The following SYPL2 variants were observed in gnomAD, a reference collection of about 807,000 sequenced individuals.
The protein encoded by SYPL2 is synaptophysin like 2.
Under a neutral mutation model 31.3 loss-of-function variants are expected in SYPL2, and 24 were observed. The observed-to-expected ratio is 0.77, with a 90% CI of 0.56 to 1.08. SYPL2 has a LOEUF of 1.08. Ranked by LOEUF, SYPL2 falls within the 50% of genes least tolerant of loss-of-function variation. The probability of loss-of-function intolerance (pLI) is 0.00; values close to 1 mark genes in which losing one functional copy is unlikely to be tolerated. For missense variants in SYPL2, 342 were observed against 360.1 expected, an observed-to-expected ratio of 0.95 and a Z score of 0.41; for synonymous variants, 144 against 143.1, an observed-to-expected ratio of 1.01 and a Z score of -0.05.
intron 2 of SYPL2, 138 bp downstream of exon 2, chr1:109,467,271 G>T (rs1395049522): frequency 4.8e-6 from 3 of 629,584 alleles, no homozygotes; most frequent in Non-Finnish European, 8.0e-6. Flanking sequence ...CGACAGGTGG[G>T]CGGGGGAGGG....
chr1:109,472,339 C>G (rs1655860007), intron 2 of SYPL2, among the ~76,000 whole-genome samples: 1 of 146,972 alleles, frequency 6.8e-6, no homozygotes. Context: ...CTCAAGTGAT[C>G]CTCCCACCTC....
Position 109,480,242 on chromosome 1 carries a change from A to G in SYPL2, c.*694A>G, listed in dbSNP as rs1253694345. The G allele has an allele frequency of 6.6e-6, 1 of 152,196 alleles. No homozygotes were observed. The highest frequency in any genetic ancestry group is 1.5e-5 in the Non-Finnish European group (1 of 68,056). 9.4% of individuals were successfully genotyped at this position (152,196 alleles called of 1,614,324 possible). On this transcript the variant is annotated 3_prime_UTR_variant, in exon 6 of 6. Coordinates refer to ENST00000369872, the MANE Select transcript of SYPL2 (RefSeq NM_001040709.2). ...ATTGCAACTGAGTTGCAGCTTCAAG[A>G]AAGTAAAGCCAGTAAGCTTGCTGGC...
chr1:109,474,323 C>CTTTT (rs67683974), intron 2 of SYPL2, among the ~76,000 whole-genome samples: 7 of 75,430 alleles, frequency 9.3e-5, no homozygotes, highest in Admixed American at 2.3e-4. Flanking sequence ...CTTTTCTTTT[C>CTTTT]TTTTTTTTTT....
intron 2 of SYPL2, chr1:109,475,245 A>C (rs898699288): frequency 1.5e-5 from 3 of 195,084 alleles, no homozygotes; most frequent in African/African-American, 4.6e-5. Flanking sequence ...CCTGAATTGC[A>C]GAGGTTTTGT....
rs761467295 is a variant in SYPL2, at chr1:109,474,318, CTTTTCT to C, written c.130-1258_130-1253del. On this transcript the variant is annotated intron_variant, in intron 2 of 5. Transcript: ENST00000369872. ...CTCCTTTTCTTTTTTCTTTTCTTTT[CTTTTCT>C]TTTTTTTTTTTTTTTTGGCGGTGGG... Among the ~76,000 whole-genome samples, 35 of 119,444 alleles carry C rather than the reference CTTTTCT, an allele frequency of 2.9e-4. 1 individual carries two copies. Among genetic ancestry groups the C allele is most frequent in the South Asian group, 7.7e-4 (3 of 3,898 alleles). 78.4% of individuals were successfully genotyped at this position (119,444 alleles called of 152,430 possible).
intron 3 of SYPL2, among the ~76,000 whole-genome samples, chr1:109,476,380 C>T (rs491285): frequency 0.32 from 49,336 of 152,042 alleles, 8,766 homozygotes; most frequent in African/African-American, 0.45. Context: ...TGGGTGATTC[C>T]AACCTTATCT....
Position 109,478,074 on chromosome 1 carries a change from A to G in SYPL2, c.648+65A>G. The stretch of plus-strand genomic sequence containing the variant: ...GCTGCCCAGGCCTGTCCCAGCTAGC[A>G]GGTCCTGAAAGGAAAGAGAGGGTGT... On this transcript the variant is annotated intron_variant, in intron 5 of 5. Transcript: ENST00000369872. The surrounding 1 kb of genome is among the most constrained non-coding windows in gnomAD (Gnocchi z 4.0). The G allele has an allele frequency of 6.3e-7, 1 of 1,575,726 alleles. No homozygotes were observed. Among genetic ancestry groups the G allele is most frequent in the Non-Finnish European group, 8.6e-7 (1 of 1,161,576 alleles).
Position 109,481,054 on chromosome 1 carries a change from A to C in SYPL2, c.*1506A>C, listed in dbSNP as rs745524419. The C allele has an allele frequency of 6.6e-6, 1 of 152,544 alleles. No individual in the cohort carries two copies. The highest frequency in any genetic ancestry group is 6.5e-5 in the Admixed American group (1 of 15,278). 9.4% of individuals were successfully genotyped at this position (152,544 alleles called of 1,614,324 possible). A position where few individuals can be genotyped will look rare whatever the true frequency, so the allele number is the denominator to read the frequency against. ...CTAAAGGTGAATGTGCCCTGTGCCA[A>C]TCTCTCCTCAGGACTGAGTCAACCC... On this transcript the variant is annotated 3_prime_UTR_variant, in exon 6 of 6. Coordinates refer to ENST00000369872, the MANE Select transcript of SYPL2 (RefSeq NM_001040709.2).
chr1:109,477,063 C>T, intron 4 of SYPL2, 86 bp downstream of exon 4: 1 of 1,518,798 alleles, frequency 6.6e-7, no homozygotes, highest in South Asian at 1.2e-5. Flanking sequence ...AGAGGACAAG[C>T]ATGGCGGCTT....
Position 109,466,671 on chromosome 1 carries a change from CCCAG to C in SYPL2, c.-156_-153del, listed in dbSNP as rs534885029. On this transcript the variant is annotated 5_prime_UTR_variant, in exon 1 of 6. Coordinates refer to ENST00000369872, the MANE Select transcript of SYPL2 (RefSeq NM_001040709.2). Reference sequence around the variant, plus strand: ...AGCACGAACAGCAGCGCCCCCGCGTCCCAGCCAGCCAGCCAGCCAGACTGGACTC... The same window carrying C: ...AGCACGAACAGCAGCGCCCCCGCGTCCCAGCCAGCCAGCCAGACTGGACTC... 7.8e-4 allele frequency: 453 copies of C among 584,342 alleles called. No individual in the cohort carries two copies. Among genetic ancestry groups the C allele is most frequent in the South Asian group, 2.3e-3 (51 of 22,648 alleles). 36.2% of individuals were successfully genotyped at this position (584,342 alleles called of 1,614,324 possible). A position where few individuals can be genotyped will look rare whatever the true frequency, so the allele number is the denominator to read the frequency against.
chr1:109,475,508 G>A, intron 2 of SYPL2, 73 bp from the exon 3 acceptor site: 4 of 1,559,320 alleles, frequency 2.6e-6, no homozygotes, highest in Non-Finnish European at 1.7e-6. Flanking sequence ...GCACCTGCGG[G>A]GAGTCACGGT....
chr1:109,479,021 G>A (rs1656083089), intron 5 of SYPL2, among the ~76,000 whole-genome samples: 1 of 152,260 alleles, frequency 6.6e-6, no homozygotes, highest in Non-Finnish European at 1.5e-5. Flanking sequence ...CTACCTGGCG[G>A]AAGGTGCTCC....
chr1:109,471,648 C>T (rs1267460005), intron 2 of SYPL2, among the ~76,000 whole-genome samples: 1 of 152,122 alleles, frequency 6.6e-6, no homozygotes, highest in South Asian at 2.1e-4. Flanking sequence ...CCCCTGACCT[C>T]AAGTGATTTG....
intron 2 of SYPL2, among the ~76,000 whole-genome samples, chr1:109,473,842 C>T (rs1323754837): frequency 6.6e-6 from 1 of 151,444 alleles, no homozygotes; most frequent in Non-Finnish European, 1.5e-5. Flanking sequence ...TTGCAGTGAG[C>T]CAAGATTGCG....
chr1:109,466,707 A>G lies in SYPL2; in HGVS notation c.-137A>G. ...AGCCAGCCAGACTGGACTCCGGCCC[A>G]CCGACGGCCGCTCGCGCTCCGGCCC... On this transcript the variant is annotated 5_prime_UTR_variant, in exon 1 of 6. Transcript: ENST00000369872. 1.1e-6 allele frequency: 1 copy of G among 932,902 alleles called. No homozygotes were observed. The highest frequency in any genetic ancestry group is 1.4e-6 in the Non-Finnish European group (1 of 694,444). The allele number at this position is 932,902 out of a possible 1,614,324, so 57.8% of individuals were successfully genotyped here. A position where few individuals can be genotyped will look rare whatever the true frequency, so the allele number is the denominator to read the frequency against.
In SYPL2 at chr1:109,476,971, G is replaced by A. The variant is rs369130770; in HGVS notation, c.450G>A (p.Pro150=). The A allele has an allele frequency of 1.6e-5, 26 of 1,614,036 alleles. No individual in the cohort carries two copies. The Middle Eastern group carries it at 4.9e-4, about 31-fold the overall frequency. ...HNLYTENKRF[P]LVDFCVTVSF... ...TCTACACAGAGAACAAACGCTTCCCGCTGGTGGTGAGTCAGCACAGGCCAG... is the reference window on the plus strand; with the variant it reads ...TCTACACAGAGAACAAACGCTTCCCACTGGTGGTGAGTCAGCACAGGCCAG... Residue 150 remains proline, a synonymous_variant, in exon 4 of 6, where the codon CCG becomes CCA. Transcript: ENST00000369872.
chr1:109,473,945 C>G (rs1655914511), intron 2 of SYPL2, among the ~76,000 whole-genome samples: 2 of 151,648 alleles, frequency 1.3e-5, no homozygotes, highest in African/African-American at 4.8e-5. Flanking sequence ...AGTGACTTAT[C>G]AGAGCTCACC....
intron 2 of SYPL2, 98 bp from the exon 3 acceptor site, chr1:109,475,483 C>A: frequency 6.7e-7 from 1 of 1,497,272 alleles, no homozygotes; most frequent in Non-Finnish European, 9.0e-7. Flanking sequence ...TCCCCCACTC[C>A]CGCACTTAAT....
At position 109,476,419 on chromosome 1, in the gene SYPL2, G is replaced by A. The variant is rs149371280; in HGVS notation, c.255-357G>A. 3.3e-5 allele frequency among the ~76,000 whole-genome samples: 5 copies of A among 152,308 alleles called. No homozygotes were observed. In the East Asian group the frequency reaches 7.7e-4, roughly 23 times the overall value. The stretch of plus-strand genomic sequence containing the variant: ...CCACTCTGGGCCTGCACTTTCCAGA[G>A]GCAGAATGAAGCTGATCTGCCTAGT... On this transcript the variant is annotated intron_variant, in intron 3 of 5. Transcript: ENST00000369872.
Sources: allele counts gnomAD v4.1 joint callset (sites outside exome capture counted in the v4.1 genomes callset), GRCh38; gene constraint gnomAD v4.1.1; non-coding constraint Gnocchi (gnomAD v3.1); transcripts MANE v1.5; gene names NCBI Gene and HGNC (gene_info 2026-07-23, HGNC 2026-07-21).